The following DENR variants were observed in gnomAD, a reference collection of about 807,000 sequenced individuals.
The protein encoded by DENR is density-regulated protein.
In DENR, 6 loss-of-function variants were observed where a neutral mutation model predicts 30.6. The observed-to-expected ratio is 0.20, with a 90% CI of 0.11 to 0.39. The LOEUF (loss-of-function observed/expected upper bound fraction) is 0.39, where lower values mean the gene tolerates loss of function less well. Among genes scored for constraint, DENR ranks in the 10% least tolerant of loss-of-function variants. The pLI is 1.00. For missense variants in DENR, 141 were observed against 230.9 expected (o/e 0.61, Z 2.52); for synonymous variants, 78 against 72.1 (o/e 1.08, Z -0.41).
chr12:122,753,548 T>TA, intron 1 of DENR, 145 bp from the exon 2 acceptor site: 1 of 649,976 alleles, frequency 1.5e-6, no homozygotes, highest in Non-Finnish European at 2.8e-6. Flanking sequence ...GCTCATATTT[T>TA]ATGAATCGAA....
chr12:122,756,169 C>T (rs893165940), intron 2 of DENR, among the ~76,000 whole-genome samples: 10 of 152,168 alleles, frequency 6.6e-5, no homozygotes, highest in Admixed American at 1.3e-4. Context: ...AAGAAATAGG[C>T]CAGGCGCGGT....
Position 122,769,291 on chromosome 12 carries a change from T to TGTATACATATATACACATAC in DENR, c.*213_*214insGTATACATATATACACATAC, listed in dbSNP as rs1878958893. 1 of 751,150 alleles carries TGTATACATATATACACATAC rather than the reference T, an allele frequency of 1.3e-6. No homozygotes were observed. Among genetic ancestry groups the TGTATACATATATACACATAC allele is most frequent in the African/African-American group, 3.1e-5 (1 of 32,394 alleles). 46.5% of individuals were successfully genotyped at this position (751,150 alleles called of 1,614,324 possible). A position where few individuals can be genotyped will look rare whatever the true frequency, so the allele number is the denominator to read the frequency against. ...ATATATGTATACATATATACACATA[T>TGTATACATATATACACATAC]ATGTATACATATATACACATATGTA... On this transcript the variant is annotated 3_prime_UTR_variant, in exon 8 of 8. Transcript: ENST00000280557.
At chr12:122,754,446 C>T (rs1425339147) in intron 2 of DENR, among the ~76,000 whole-genome samples, 1 of 152,176 alleles carries the variant, frequency 6.6e-6, no homozygotes, top group African/African-American at 2.4e-5. Context: ...TATGTATTCG[C>T]ATCTTGGAAA....
chr12:122,753,774 G>A lies in DENR; in HGVS notation c.73G>A (p.Ala25Thr). 3.1e-6 allele frequency: 5 copies of A among 1,613,984 alleles called. No homozygotes were observed. Among genetic ancestry groups the A allele is most frequent in the Non-Finnish European group, 4.2e-6 (5 of 1,179,880 alleles). ...CCCAAGGAACAGTGCCAAGTTAGAT[G>A]CCGATTACCCACTTCGAGTCCTTTA... ...GDPRNSAKLD[A>T]DYPLRVLYCG... Residue 25 changes from alanine to threonine, a missense_variant, in exon 2 of 8, where the codon GCC becomes ACC. This residue lies in a region of DENR where 104 missense variants were observed against 138.3 expected (regional missense o/e 0.75). Coordinates refer to ENST00000280557, the MANE Select transcript of DENR (RefSeq NM_003677.5).
intron 2 of DENR, chr12:122,754,014 C>G: frequency 1.7e-6 from 1 of 590,124 alleles, no homozygotes. Context: ...CCTGAAGAAG[C>G]TTACAGTCCA....
intron 4 of DENR, among the ~76,000 whole-genome samples, chr12:122,764,560 G>A (rs756299964): frequency 3.9e-5 from 6 of 152,132 alleles, no homozygotes; most frequent in Non-Finnish European, 8.8e-5. Flanking sequence ...AGATCGCACC[G>A]CTGCACTCCA....
rs143275730 is a variant in DENR at position 122,761,434 on chromosome 12, T to A, written c.107-753T>A. 3.7e-3 allele frequency among the ~76,000 whole-genome samples: 562 copies of A among 151,700 alleles called. 4 individuals carry two copies. Among genetic ancestry groups the A allele is most frequent in the African/African-American group, 0.013 (519 of 41,368 alleles). ...CTCAGAAAAAAAAAAAGGAAAAATATATTGCAAAAAGATGGTAGTAAAAAT... is the reference window on the plus strand; with the variant it reads ...CTCAGAAAAAAAAAAAGGAAAAATAAATTGCAAAAAGATGGTAGTAAAAAT... On this transcript the variant is annotated intron_variant, in intron 2 of 7. Coordinates refer to ENST00000280557, the MANE Select transcript of DENR (RefSeq NM_003677.5).
chr12:122,765,404 C>T lies in DENR; in HGVS notation c.295+17C>T. 1 of 1,540,278 alleles carries T rather than the reference C, an allele frequency of 6.5e-7. No homozygotes were observed. Among genetic ancestry groups the T allele is most frequent in the South Asian group, 1.2e-5 (1 of 83,664 alleles). ...AGAAGAGAGGTAAGACCTAAATTCA[C>T]ATCTTGATTTGTACAGTCATACCGT... On this transcript the variant is annotated intron_variant, in intron 5 of 7. Coordinates refer to ENST00000280557, the MANE Select transcript of DENR (RefSeq NM_003677.5).
At chr12:122,762,619 G>A (rs1878732583) in intron 3 of DENR, among the ~76,000 whole-genome samples, 1 of 152,200 alleles carries the variant, frequency 6.6e-6, no homozygotes, top group African/African-American at 2.4e-5. Flanking sequence ...GAAATAGAGG[G>A]AGAAGAAATA....
chr12:122,769,417 A>C lies in DENR; in HGVS notation c.*339A>C. Reference sequence around the variant, plus strand: ...GCTTGTTTTTTTATTGCCAAAGTCAAATAAACGGGAGACTGTCATGCTCAT... The same window carrying C: ...GCTTGTTTTTTTATTGCCAAAGTCACATAAACGGGAGACTGTCATGCTCAT... On this transcript the variant is annotated 3_prime_UTR_variant, in exon 8 of 8. Transcript: ENST00000280557. 2 of 986,998 alleles carry C rather than the reference A, an allele frequency of 2.0e-6. No homozygotes were observed. The highest frequency in any genetic ancestry group is 2.4e-6 in the Non-Finnish European group (2 of 830,844). 61.1% of individuals were successfully genotyped at this position (986,998 alleles called of 1,614,324 possible). A position where few individuals can be genotyped will look rare whatever the true frequency, so the allele number is the denominator to read the frequency against.
In DENR at chr12:122,753,949, G is replaced by T. The variant is rs539929361; in HGVS notation, c.106+142G>T. On this transcript the variant is annotated intron_variant, in intron 2 of 7. Coordinates refer to ENST00000280557, the MANE Select transcript of DENR (RefSeq NM_003677.5). ...GGGGGAGAGGAGTCCTGGGGAGGAG[G>T]AGGCATGAATTAACAGAGTTTCCCC... is the stretch of plus-strand genomic sequence containing the variant. 1.5e-3 allele frequency: 1,098 copies of T among 716,376 alleles called. 5 individuals are homozygous for T. Among genetic ancestry groups the T allele is most frequent in the Middle Eastern group, 4.5e-3 (12 of 2,656 alleles). 44.4% of individuals were successfully genotyped at this position (716,376 alleles called of 1,614,324 possible). A position where few individuals can be genotyped will look rare whatever the true frequency, so the allele number is the denominator to read the frequency against.
At chr12:122,762,347 A>G (rs1444999094) in intron 3 of DENR, 141 bp downstream of exon 3, 5 of 613,738 alleles carry the variant, frequency 8.1e-6, no homozygotes, top group Admixed American at 3.6e-5. Context: ...ACTTTGATTT[A>G]GAGTAATTTT....
chr12:122,757,228 T>C (rs1315553902), intron 2 of DENR, among the ~76,000 whole-genome samples: 1 of 152,178 alleles, frequency 6.6e-6, no homozygotes, highest in Non-Finnish European at 1.5e-5. Flanking sequence ...TGCTCTCAGC[T>C]AAAGTCTGGG....
At chr12:122,765,055 G>T (rs1288302238) in intron 4 of DENR, among the ~76,000 whole-genome samples, 1 of 152,178 alleles carries the variant, frequency 6.6e-6, no homozygotes, top group Non-Finnish European at 1.5e-5. Context: ...CTCCTTTCCT[G>T]TGGCTAAAAA....
chr12:122,755,123 G>A (rs1352954330), intron 2 of DENR, among the ~76,000 whole-genome samples: 1 of 152,186 alleles, frequency 6.6e-6, no homozygotes, highest in Non-Finnish European at 1.5e-5. Flanking sequence ...CTTTTCTAAG[G>A]GAGAAAGAGA....
intron 5 of DENR, among the ~76,000 whole-genome samples, 196 bp from the exon 6 acceptor site, chr12:122,767,292 A>ATCC (rs1878875572): frequency 6.6e-6 from 1 of 152,248 alleles, no homozygotes; most frequent in South Asian, 2.1e-4. Flanking sequence ...TCACTTTTGT[A>ATCC]TCCTCGGCTC....
intron 2 of DENR, among the ~76,000 whole-genome samples, chr12:122,756,188 C>T (rs1333492572): frequency 2.0e-5 from 3 of 152,164 alleles, no homozygotes; most frequent in Non-Finnish European, 2.9e-5. Context: ...GTGGCTCACA[C>T]CTGTAATCCA....
chr12:122,764,914 A>G (rs1239186854), intron 4 of DENR, among the ~76,000 whole-genome samples: 1 of 152,220 alleles, frequency 6.6e-6, no homozygotes, highest in Non-Finnish European at 1.5e-5. Flanking sequence ...TTCAGTCTAC[A>G]TGGTTGTCCC....
chr12:122,762,123 G>T, intron 2 of DENR, 64 bp from the exon 3 acceptor site: 1 of 1,070,922 alleles, frequency 9.3e-7, no homozygotes, highest in Non-Finnish European at 1.3e-6. Flanking sequence ...GTAAGGATAA[G>T]CCCTGTGTAT....
Sources: gnomAD v4.1 joint callset for allele counts (sites outside exome capture counted in the v4.1 genomes callset) on GRCh38, gnomAD v4.1.1 for gene constraint, gnomAD v4.1.1 regional missense constraint, MANE v1.5 for transcripts, NCBI Gene and HGNC (gene_info 2026-07-23, HGNC 2026-07-21) for gene names.